TRAPPC12: variants seen among roughly 807,000 people sequenced by gnomAD.
The protein encoded by TRAPPC12 is TPR repeat protein 15.
TRAPPC12 carries 61 observed loss-of-function variants against 69.2 expected under a neutral mutation model. That is an observed-to-expected ratio of 0.88 (90% CI 0.72 to 1.09). The LOEUF is 1.09. TRAPPC12 is among the 50% of genes least tolerant of loss of function. TRAPPC12 has a pLI of 0.00. For synonymous variants in TRAPPC12, 469 were observed against 438.9 expected, an observed-to-expected ratio of 1.07 and a Z score of -0.86; for missense variants, 1,101 against 1,016.4, an observed-to-expected ratio of 1.08 and a Z score of -1.13.
At position 3,453,368 on chromosome 2, in the gene TRAPPC12, A is replaced by C. The variant is rs560499429; in HGVS notation, c.1531-4253A>C. Among the ~76,000 whole-genome samples the C allele has an allele frequency of 9.2e-5, 14 of 152,210 alleles. No individual in the cohort carries two copies. In the South Asian group the frequency reaches 1.2e-3, roughly 14 times the overall value. On this transcript the variant is annotated intron_variant, in intron 6 of 11. Transcript: ENST00000324266. ...GGGAATGTGCAGGAAGGTGCCTCCA[A>C]CACCCGGCCCTTTCTGCCCCTCGGC...
chr2:3,459,471 C>A (rs1321478372), intron 7 of TRAPPC12, among the ~76,000 whole-genome samples: 3 of 152,178 alleles, frequency 2.0e-5, no homozygotes, highest in Non-Finnish European at 4.4e-5. Context: ...CCACCCTCCC[C>A]CCAGGGCAGC....
intron 9 of TRAPPC12, among the ~76,000 whole-genome samples, chr2:3,470,659 A>T (rs561631628): frequency 8.5e-5 from 13 of 152,286 alleles, no homozygotes; most frequent in Non-Finnish European, 1.0e-4. Context: ...TTTGTGTGTG[A>T]GTGTGTGTAG....
chr2:3,428,698 G>A (rs1004808082), intron 5 of TRAPPC12, among the ~76,000 whole-genome samples: 1 of 152,176 alleles, frequency 6.6e-6, no homozygotes, highest in African/African-American at 2.4e-5. Flanking sequence ...GCCCAGCCCC[G>A]TTTCTGACCC....
intron 8 of TRAPPC12, among the ~76,000 whole-genome samples, chr2:3,463,724 G>A (rs1489326135): frequency 1.3e-5 from 2 of 151,820 alleles, no homozygotes; most frequent in Non-Finnish European, 2.9e-5. Flanking sequence ...TCAGCCTGGA[G>A]CATCAGTGGC....
intron 3 of TRAPPC12, among the ~76,000 whole-genome samples, chr2:3,402,572 G>A (rs539442083): frequency 1.3e-5 from 2 of 152,256 alleles, no homozygotes; most frequent in African/African-American, 2.4e-5. Context: ...CTCCAGCCTC[G>A]GCTACAGAGC....
At chr2:3,419,804 A>G (rs1268739895) in intron 3 of TRAPPC12, among the ~76,000 whole-genome samples, 1 of 152,228 alleles carries the variant, frequency 6.6e-6, no homozygotes, top group Non-Finnish European at 1.5e-5. Flanking sequence ...GAACGGTGGA[A>G]AGTTCACCTG....
At chr2:3,409,153 C>T (rs981683019) in intron 3 of TRAPPC12, among the ~76,000 whole-genome samples, 12 of 152,246 alleles carry the variant, frequency 7.9e-5, no homozygotes, top group Non-Finnish European at 1.5e-4. Flanking sequence ...TCTTCAGAAA[C>T]TCCTGTGACC....
At chr2:3,457,908 G>A (rs78248858) in intron 7 of TRAPPC12, 1 of 1,412,272 alleles carries the variant, frequency 7.1e-7, no homozygotes, top group African/African-American at 1.4e-5. Flanking sequence ...CCCGAACCCT[G>A]CGCCCGGGGA....
At chr2:3,444,866 TTAAAAGA>T (rs1318252637) in intron 6 of TRAPPC12, among the ~76,000 whole-genome samples, 6 of 152,228 alleles carry the variant, frequency 3.9e-5, no homozygotes, top group Non-Finnish European at 7.3e-5. Flanking sequence ...TTACCATAAC[TTAAAAGA>T]TAAAAAGAAA....
chr2:3,458,086 A>AGGCCTCTGCGTCGGGGACAGG, intron 7 of TRAPPC12: 1 of 1,000,958 alleles, frequency 1.0e-6, no homozygotes, highest in South Asian at 4.0e-5. Flanking sequence ...TCGGGGACAG[A>AGGCCTCTGCGTCGGGGACAGG]GGCTCGGGAG....
At chr2:3,463,019 G>C (rs1236576853) in intron 8 of TRAPPC12, 1 of 460,136 alleles carries the variant, frequency 2.2e-6, no homozygotes, top group Non-Finnish European at 4.6e-6. Context: ...AAACACGTGT[G>C]GCTGCTGAAA....
intron 1 of TRAPPC12, among the ~76,000 whole-genome samples, chr2:3,383,343 T>C (rs187861175): frequency 5.3e-5 from 8 of 152,210 alleles, no homozygotes; most frequent in African/African-American, 1.9e-4. Context: ...ATATATTCTC[T>C]TATATTTTCT....
At position 3,438,549 on chromosome 2, in the gene TRAPPC12, C is replaced by A. The variant is rs1324492013; in HGVS notation, c.1418-5230C>A. Among the ~76,000 whole-genome samples the A allele has an allele frequency of 6.2e-4, 90 of 145,440 alleles. 1 individual carries two copies. Among genetic ancestry groups the A allele is most frequent in the Non-Finnish European group, 7.6e-5 (5 of 66,040 alleles). ...TCCCCCTGGGTTAATCCCCACCACC[C>A]GTGGATTGATCCCCCCTCACCCCTG... On this transcript the variant is annotated intron_variant, in intron 5 of 11. Transcript: ENST00000324266.
At chr2:3,469,767 T>C (rs1286743370) in intron 9 of TRAPPC12, among the ~76,000 whole-genome samples, 1 of 152,236 alleles carries the variant, frequency 6.6e-6, no homozygotes, top group Non-Finnish European at 1.5e-5. Context: ...GTAGGCCTCC[T>C]GGTTCCTCCT....
At chr2:3,478,109 TGTGCTCTGGTGTTCTGTGTCTGGATCCC>T (rs6146600) in intron 10 of TRAPPC12, 69,365 of 175,144 alleles carry the variant, frequency 0.4, 15,294 homozygotes, top group African/African-American at 0.54. Flanking sequence ...TTCTGGATCC[TGTGCTCTGGTGTTCTGTGTCTGGATCCC>T]GTGCTCTGGT....
intron 3 of TRAPPC12, among the ~76,000 whole-genome samples, chr2:3,405,833 A>T (rs1661700125): frequency 6.6e-6 from 1 of 152,244 alleles, no homozygotes; most frequent in Non-Finnish European, 1.5e-5. Flanking sequence ...ATGATTCTTC[A>T]TCAGTGTCTT....
At chr2:3,439,749 A>G (rs921832028) in intron 5 of TRAPPC12, among the ~76,000 whole-genome samples, 14 of 152,176 alleles carry the variant, frequency 9.2e-5, no homozygotes, top group African/African-American at 3.4e-4. Context: ...TGTTGTATCT[A>G]AAAGATTATC....
chr2:3,431,998 A>G (rs1349891158), intron 5 of TRAPPC12, among the ~76,000 whole-genome samples: 2 of 152,230 alleles, frequency 1.3e-5, no homozygotes, highest in Non-Finnish European at 2.9e-5. Flanking sequence ...GGCAGTGAGC[A>G]TGTAAACTTT....
intron 2 of TRAPPC12, 86 bp from the exon 3 acceptor site, chr2:3,401,686 AAAAAG>A: frequency 2.5e-6 from 2 of 795,852 alleles, no homozygotes; most frequent in Non-Finnish European, 3.8e-6. Context: ...CCAGTGGAGA[AAAAAG>A]AAATTGTGTT....
Sources: allele counts gnomAD v4.1 joint callset (sites outside exome capture counted in the v4.1 genomes callset), GRCh38; gene constraint gnomAD v4.1.1; transcripts MANE v1.5; gene names NCBI Gene and HGNC (gene_info 2026-07-23, HGNC 2026-07-21).